NTRK2: variants seen among roughly 807,000 people sequenced by gnomAD.
NTRK2 encodes the protein neurotrophic receptor tyrosine kinase 2.
NTRK2 carries 13 observed loss-of-function variants against 94.5 expected under a neutral mutation model. The ratio of observed to expected loss-of-function variants is 0.14; its 90% confidence interval spans 0.09 to 0.22. The LOEUF (loss-of-function observed/expected upper bound fraction) is 0.22, where lower values mean the gene tolerates loss of function less well. Ranked by LOEUF, NTRK2 falls within the 10% of genes least tolerant of loss-of-function variation. NTRK2 has a pLI of 1.00. For missense variants in NTRK2, 639 were observed against 1,071.2 expected (o/e 0.60, Z 5.63); for synonymous variants, 372 against 407.4 (o/e 0.91, Z 1.05).
chr9:84,904,266 C>T (rs2077012371), intron 14 of NTRK2, among the ~76,000 whole-genome samples: 1 of 152,194 alleles, frequency 6.6e-6, no homozygotes, highest in African/African-American at 2.4e-5. Flanking sequence ...ACTTGCCTAG[C>T]TGTATAACTC....
At position 85,003,851 on chromosome 9, in the gene NTRK2, A is replaced by G. The variant is rs918708048; in HGVS notation, c.2173-16355A>G. On this transcript the variant is annotated intron_variant, in intron 17 of 18. Transcript: ENST00000277120. Reference sequence around the variant, plus strand: ...TGCAATCAGAATATGTTCTGCAGGTAGGGCTGAAAGAACCTGATGGTGGCT... The same window carrying G: ...TGCAATCAGAATATGTTCTGCAGGTGGGGCTGAAAGAACCTGATGGTGGCT... Among the ~76,000 whole-genome samples the G allele has an allele frequency of 2.9e-4, 44 of 150,954 alleles. 1 individual carries two copies. The highest frequency in any genetic ancestry group is 2.9e-5 in the Non-Finnish European group (2 of 67,894).
intron 14 of NTRK2, among the ~76,000 whole-genome samples, chr9:84,929,807 C>A (rs757880308): frequency 6.6e-6 from 1 of 152,140 alleles, no homozygotes; most frequent in Non-Finnish European, 1.5e-5. Flanking sequence ...AGTGATCAGC[C>A]CACCTCGGCC....
At position 84,833,674 on chromosome 9, in the gene NTRK2, C is replaced by T. The variant is rs1163370854; in HGVS notation, c.1397-27366C>T. Among the ~76,000 whole-genome samples the T allele has an allele frequency of 2.6e-5, 4 of 152,110 alleles. No individual in the cohort carries two copies. In the East Asian group the frequency reaches 7.7e-4, roughly 29 times the overall value. On this transcript the variant is annotated intron_variant, in intron 12 of 18. Transcript: ENST00000277120. Reference sequence around the variant, plus strand: ...GGCAGGGGAGGGAGGGGGCAGGGATCACTCCTATAGATACTAAGATGAGTG... The same window carrying T: ...GGCAGGGGAGGGAGGGGGCAGGGATTACTCCTATAGATACTAAGATGAGTG...
chr9:84,706,527 G>GTTTTTTTTTTTTTTTTTTTTT (rs71369141), intron 4 of NTRK2, among the ~76,000 whole-genome samples: 3 of 81,654 alleles, frequency 3.7e-5, no homozygotes, highest in Non-Finnish European at 6.4e-5. Flanking sequence ...TTTTGTTTTT[G>GTTTTTTTTTTTTTTTTTTTTT]TTTTTTTTTT....
intron 2 of NTRK2, among the ~76,000 whole-genome samples, chr9:84,676,002 G>A (rs1457947522): frequency 1.3e-5 from 2 of 152,144 alleles, no homozygotes; most frequent in Admixed American, 6.5e-5. Context: ...GCAAAGAAAA[G>A]CAATGTGTAG....
intron 17 of NTRK2, among the ~76,000 whole-genome samples, chr9:84,974,940 G>A (rs1485647913): frequency 1.3e-5 from 2 of 152,170 alleles, no homozygotes; most frequent in Non-Finnish European, 2.9e-5. Flanking sequence ...GAACAGTGTG[G>A]GAAAGAAATG....
chr9:85,025,233 G>C lies in NTRK2; in HGVS notation c.*3796G>C, dbSNP rs543458973. 2 of 233,056 alleles carry C rather than the reference G, an allele frequency of 8.6e-6. No individual in the cohort carries two copies. Among genetic ancestry groups the C allele is most frequent in the East Asian group, 1.2e-4 (2 of 16,566 alleles). 14.4% of individuals were successfully genotyped at this position (233,056 alleles called of 1,614,324 possible). A position where few individuals can be genotyped will look rare whatever the true frequency, so the allele number is the denominator to read the frequency against. On this transcript the variant is annotated 3_prime_UTR_variant, in exon 19 of 19. Coordinates refer to ENST00000277120, the MANE Select transcript of NTRK2 (RefSeq NM_006180.6). Reference sequence around the variant, plus strand: ...CCCACTACATTGAGTGCTTTCTCTGGCTCCTTGCAAAGAAAGATACTTTTT... The same window carrying C: ...CCCACTACATTGAGTGCTTTCTCTGCCTCCTTGCAAAGAAAGATACTTTTT...
intron 15 of NTRK2, among the ~76,000 whole-genome samples, chr9:84,944,215 T>TCTCACACACACA (rs1440338055): frequency 1.2e-4 from 15 of 120,332 alleles, no homozygotes; most frequent in East Asian, 4.6e-4. Flanking sequence ...TCTCTCTCTC[T>TCTCACACACACA]CACACACACA....
intron 12 of NTRK2, among the ~76,000 whole-genome samples, chr9:84,795,383 G>T (rs986223996): frequency 3.3e-5 from 5 of 152,188 alleles, no homozygotes; most frequent in African/African-American, 1.2e-4. Flanking sequence ...CCACGTCTGT[G>T]CCTCTTTTGG....
At chr9:84,861,185 A>T in intron 13 of NTRK2, 98 bp downstream of exon 13, 2 of 956,656 alleles carry the variant, frequency 2.1e-6, no homozygotes, top group Non-Finnish European at 3.3e-6. Flanking sequence ...ACGGTCTTTG[A>T]TTCATTTTCT....
At chr9:84,758,688 G>A (rs1053374577) in intron 12 of NTRK2, among the ~76,000 whole-genome samples, 1 of 152,146 alleles carries the variant, frequency 6.6e-6, no homozygotes, top group African/African-American at 2.4e-5. Flanking sequence ...ACCGCACCCG[G>A]CCTTTTTGTA....
At chr9:84,825,021 C>T (rs1005337150) in intron 12 of NTRK2, among the ~76,000 whole-genome samples, 4 of 151,096 alleles carry the variant, frequency 2.6e-5, no homozygotes, top group Non-Finnish European at 4.4e-5. Flanking sequence ...GAGTTCATCA[C>T]GTGTTCCCAG....
chr9:84,907,530 A>G (rs1298307758), intron 14 of NTRK2, among the ~76,000 whole-genome samples: 1 of 152,164 alleles, frequency 6.6e-6, no homozygotes, highest in Non-Finnish European at 1.5e-5. Flanking sequence ...CAGCACACAT[A>G]TTTTTGTGCC....
At position 84,888,982 on chromosome 9, in the gene NTRK2, A is replaced by ATTTTTTTTTTTTTTTTTTTTTTTTTT. The variant is rs71369159; in HGVS notation, c.1633+21552_1633+21577dup. 4.7e-4 allele frequency among the ~76,000 whole-genome samples: 48 copies of ATTTTTTTTTTTTTTTTTTTTTTTTTT among 101,708 alleles called. 17 individuals are homozygous for ATTTTTTTTTTTTTTTTTTTTTTTTTT. The highest frequency in any genetic ancestry group is 2.6e-3 in the East Asian group (9 of 3,488). 66.7% of individuals were successfully genotyped at this position (101,708 alleles called of 152,430 possible). On this transcript the variant is annotated intron_variant, in intron 14 of 18. Coordinates refer to ENST00000277120, the MANE Select transcript of NTRK2 (RefSeq NM_006180.6). ...TCCCCATTATTTATTAATGACAGAA[A>ATTTTTTTTTTTTTTTTTTTTTTTTTT]TTTTTTTTTTTTTTTTTTTTTTTTT... is the stretch of plus-strand genomic sequence containing the variant.
At chr9:84,802,342 G>T (rs766075354) in intron 12 of NTRK2, among the ~76,000 whole-genome samples, 3 of 152,100 alleles carry the variant, frequency 2.0e-5, no homozygotes, top group Admixed American at 2.0e-4. Flanking sequence ...ACAATCCAGG[G>T]TTTTCCTCAT....
intron 17 of NTRK2, among the ~76,000 whole-genome samples, chr9:85,018,257 C>A (rs1488980779): frequency 6.6e-6 from 1 of 152,036 alleles, no homozygotes; most frequent in Non-Finnish European, 1.5e-5. Context: ...TGACACCAGA[C>A]GTGTATAGAT....
intron 14 of NTRK2, among the ~76,000 whole-genome samples, chr9:84,896,707 C>T (rs944258022): frequency 3.9e-5 from 6 of 152,156 alleles, no homozygotes; most frequent in Admixed American, 1.3e-4. Context: ...TAAATGACCT[C>T]GTACCATATG....
intron 12 of NTRK2, among the ~76,000 whole-genome samples, chr9:84,769,011 A>G (rs1328533333): frequency 6.6e-6 from 1 of 152,126 alleles, no homozygotes; most frequent in Non-Finnish European, 1.5e-5. Flanking sequence ...GATTCTTACC[A>G]ATCCAAGGCA....
intron 12 of NTRK2, among the ~76,000 whole-genome samples, chr9:84,754,937 C>T (rs1223043006): frequency 1.3e-5 from 2 of 152,136 alleles, no homozygotes; most frequent in Non-Finnish European, 2.9e-5. Context: ...ATATAAATGA[C>T]AGTTCAATGC....
Sources: gnomAD v4.1 joint callset for allele counts (sites outside exome capture counted in the v4.1 genomes callset) on GRCh38, gnomAD v4.1.1 for gene constraint, MANE v1.5 for transcripts, NCBI Gene and HGNC (gene_info 2026-07-23, HGNC 2026-07-21) for gene names.